NOL4: variants seen among roughly 807,000 people sequenced by gnomAD.
NOL4 encodes nucleolar protein 4.
NOL4 carries 17 observed loss-of-function variants against 75.9 expected under a neutral mutation model. The observed-to-expected ratio is 0.22, with a 90% CI of 0.15 to 0.34. The LOEUF is 0.34. NOL4 is among the 10% of genes least tolerant of loss of function. NOL4 has a pLI of 1.00. For missense variants in NOL4, 614 were observed against 793.5 expected, an observed-to-expected ratio of 0.77 and a Z score of 2.72; for synonymous variants, 292 against 289.9, an observed-to-expected ratio of 1.01 and a Z score of -0.07.
intron 9 of NOL4, among the ~76,000 whole-genome samples, chr18:33,887,415 T>A (rs1393590889): frequency 6.6e-6 from 1 of 150,538 alleles, no homozygotes; most frequent in Non-Finnish European, 1.5e-5. Flanking sequence ...CCAAAGAAGG[T>A]GAGTTTTTTT....
chr18:34,161,064 G>A (rs187998334), intron 1 of NOL4, among the ~76,000 whole-genome samples: 3 of 152,162 alleles, frequency 2.0e-5, no homozygotes, highest in East Asian at 1.9e-4. Flanking sequence ...GTGAGAATAC[G>A]TGGTATTTAT....
chr18:34,163,274 T>C (rs2031810680), intron 1 of NOL4, among the ~76,000 whole-genome samples: 1 of 151,934 alleles, frequency 6.6e-6, no homozygotes, highest in African/African-American at 2.4e-5. Flanking sequence ...TAAAGGGTAT[T>C]CAATTAGGAA....
chr18:34,051,966 C>T (rs948175740), intron 5 of NOL4, among the ~76,000 whole-genome samples: 4 of 151,902 alleles, frequency 2.6e-5, no homozygotes, highest in African/African-American at 9.7e-5. Flanking sequence ...ACAAAGAAAG[C>T]ACCATGCAAC....
chr18:34,078,110 C>T (rs2077830943), intron 5 of NOL4, among the ~76,000 whole-genome samples: 1 of 152,066 alleles, frequency 6.6e-6, no homozygotes, highest in South Asian at 2.1e-4. Flanking sequence ...TAGATAATTA[C>T]AATATGTTGG....
chr18:34,125,091 G>A (rs1487747773), intron 2 of NOL4, among the ~76,000 whole-genome samples: 1 of 152,046 alleles, frequency 6.6e-6, no homozygotes. Flanking sequence ...CAGCTTAATT[G>A]ATTCTCCACC....
intron 8 of NOL4, among the ~76,000 whole-genome samples, chr18:33,955,041 A>G (rs2069542111): frequency 1.4e-5 from 2 of 144,610 alleles, no homozygotes; most frequent in Non-Finnish European, 3.2e-5. Flanking sequence ...GCAAGTGGAA[A>G]ATTCAAACAA....
rs927056825 is a variant in NOL4, at chr18:34,130,049, C to T, written c.265-29G>A. On this transcript the variant is annotated intron_variant, in intron 1 of 10. Transcript: ENST00000261592. ...GAAACAAAACAACAACAACAAAAAC[C>T]CATAAGATTAATAAACTAATTTGCA... 5 of 1,483,812 alleles carry T rather than the reference C, an allele frequency of 3.4e-6. No homozygotes were observed. In the South Asian group the frequency reaches 7.3e-5, roughly 22 times the overall value. The allele number at this position is 1,483,812 out of a possible 1,614,324, so 91.9% of individuals were successfully genotyped here. A position where few individuals can be genotyped will look rare whatever the true frequency, so the allele number is the denominator to read the frequency against.
At chr18:33,894,544 A>G (rs1192564857) in intron 9 of NOL4, among the ~76,000 whole-genome samples, 1 of 152,112 alleles carries the variant, frequency 6.6e-6, no homozygotes, top group Non-Finnish European at 1.5e-5. Flanking sequence ...CCAGACAACC[A>G]ATGACAAGCT....
In NOL4 at chr18:34,221,971, A is replaced by G. The variant is rs564872368; in HGVS notation, c.264+1019T>C. 3.4e-6 allele frequency: 5 copies of G among 1,473,270 alleles called. No individual in the cohort carries two copies. The South Asian group carries it at 3.7e-5, about 11-fold the overall frequency. The allele number at this position is 1,473,270 out of a possible 1,614,324, so 91.3% of individuals were successfully genotyped here. A position where few individuals can be genotyped will look rare whatever the true frequency, so the allele number is the denominator to read the frequency against. On this transcript the variant is annotated intron_variant, in intron 1 of 10. Transcript: ENST00000261592. ...AAACCCCAAAGCGAGGCAAAAATAC[A>G]AAGGATGCCAGATAGCCTCCCCCAT...
intron 1 of NOL4, among the ~76,000 whole-genome samples, chr18:34,164,172 T>C (rs1315596735): frequency 9.9e-5 from 15 of 152,110 alleles, no homozygotes; most frequent in Non-Finnish European, 2.9e-5. Flanking sequence ...ATTTAGGACA[T>C]AGGCATGGGC....
At chr18:33,934,862 GTTT>G (rs869081039) in intron 9 of NOL4, among the ~76,000 whole-genome samples, 8 of 118,286 alleles carry the variant, frequency 6.8e-5, no homozygotes, top group East Asian at 2.4e-4. Context: ...GGAGTAGCAC[GTTT>G]TTTTTTTTTT....
At chr18:34,102,488 C>T (rs1246153228) in intron 4 of NOL4, among the ~76,000 whole-genome samples, 1 of 151,926 alleles carries the variant, frequency 6.6e-6, no homozygotes, top group African/African-American at 2.4e-5. Context: ...AGTCATTTAT[C>T]TAAATATTTT....
intron 5 of NOL4, among the ~76,000 whole-genome samples, chr18:34,028,987 C>T (rs2075493984): frequency 6.6e-6 from 1 of 151,952 alleles, no homozygotes; most frequent in Non-Finnish European, 1.5e-5. Flanking sequence ...CCTTTCCTTC[C>T]TTTTTCCATC....
chr18:34,129,585 T>C (rs1424698841), intron 2 of NOL4, among the ~76,000 whole-genome samples: 1 of 151,376 alleles, frequency 6.6e-6, no homozygotes, highest in Non-Finnish European at 1.5e-5. Flanking sequence ...ATTCATAATA[T>C]AATATATAAT....
chr18:34,114,782 C>G (rs2145780641), intron 2 of NOL4, among the ~76,000 whole-genome samples: 1 of 151,810 alleles, frequency 6.6e-6, no homozygotes, highest in East Asian at 1.9e-4. Context: ...AAGGATTTCC[C>G]AAATACTGGT....
At chr18:34,068,323 A>C (rs945904310) in intron 5 of NOL4, among the ~76,000 whole-genome samples, 1 of 152,218 alleles carries the variant, frequency 6.6e-6, no homozygotes, top group Non-Finnish European at 1.5e-5. Context: ...CCTAAATTGT[A>C]ACATGAAAAC....
intron 2 of NOL4, among the ~76,000 whole-genome samples, chr18:34,107,445 A>G (rs1212684666): frequency 1.3e-5 from 2 of 152,052 alleles, no homozygotes; most frequent in East Asian, 1.9e-4. Flanking sequence ...TATCTATTAC[A>G]TAAGATAAAA....
At chr18:34,088,092 A>T (rs573715803) in intron 5 of NOL4, among the ~76,000 whole-genome samples, 18 of 151,974 alleles carry the variant, frequency 1.2e-4, no homozygotes, top group Non-Finnish European at 1.6e-4. Flanking sequence ...ATTTGTGCTT[A>T]AAAAAGCACA....
At chr18:34,032,693 C>T (rs2144677796) in intron 5 of NOL4, among the ~76,000 whole-genome samples, 1 of 152,038 alleles carries the variant, frequency 6.6e-6, no homozygotes, top group Non-Finnish European at 1.5e-5. Context: ...ACCTGAGAAC[C>T]CACCCACCTG....
Sources: gnomAD v4.1 joint callset for allele counts (sites outside exome capture counted in the v4.1 genomes callset) on GRCh38, gnomAD v4.1.1 for gene constraint, MANE v1.5 for transcripts, NCBI Gene and HGNC (gene_info 2026-07-23, HGNC 2026-07-21) for gene names.